Variants in IGSF21 observed in about 807,000 individuals in gnomAD.
IGSF21 encodes the protein immunoglobin superfamily member 21, also known as immunoglobulin superfamily member 21.
IGSF21 carries 28 observed loss-of-function variants against 46.8 expected under a neutral mutation model. That is an observed-to-expected ratio of 0.60 (90% CI 0.44 to 0.82). The LOEUF (loss-of-function observed/expected upper bound fraction) is 0.82, where lower values mean the gene tolerates loss of function less well. IGSF21 is among the 40% of genes least tolerant of loss of function. The pLI, the probability that IGSF21 is intolerant of heterozygous loss-of-function variation, is 0.00. For synonymous variants in IGSF21, 284 were observed against 273.6 expected, an observed-to-expected ratio of 1.04 and a Z score of -0.38; for missense variants, 624 against 665.5, an observed-to-expected ratio of 0.94 and a Z score of 0.69.
rs762067932 is a variant in IGSF21, at chr1:18,365,203, C to T, written c.541-20C>T. The T allele has an allele frequency of 2.4e-5, 37 of 1,565,276 alleles. No individual in the cohort carries two copies. In the South Asian group the frequency reaches 3.9e-4, roughly 16 times the overall value. On this transcript the variant is annotated intron_variant, in intron 5 of 9. Transcript: ENST00000251296. The surrounding 1 kb of genome is among the most constrained non-coding windows in gnomAD (Gnocchi z 4.8). ...TTAGTAGCACAAAATCATTTTCCCA[C>T]ACCCTCCTTACAATGGCAGGTTTAT...
intron 2 of IGSF21, among the ~76,000 whole-genome samples, chr1:18,282,641 C>CACACACACACACAA (rs2085172952): frequency 6.7e-6 from 1 of 148,962 alleles, no homozygotes; most frequent in Non-Finnish European, 1.5e-5. Flanking sequence ...TACATACACA[C>CACACACACACACAA]ACACACACAC....
intron 1 of IGSF21, among the ~76,000 whole-genome samples, chr1:18,199,454 C>T (rs1011408659): frequency 6.6e-6 from 1 of 152,184 alleles, no homozygotes; most frequent in Non-Finnish European, 1.5e-5. Flanking sequence ...GATACACGGA[C>T]ATCCAGGCGC....
intron 1 of IGSF21, among the ~76,000 whole-genome samples, chr1:18,120,151 C>A (rs533477138): frequency 6.6e-6 from 1 of 152,350 alleles, no homozygotes; most frequent in East Asian, 1.9e-4. Flanking sequence ...GGACTATTTG[C>A]ATAGGATTTC....
chr1:18,359,063 A>G (rs1477556653), intron 4 of IGSF21, among the ~76,000 whole-genome samples: 3 of 152,144 alleles, frequency 2.0e-5, no homozygotes, highest in Non-Finnish European at 4.4e-5. Context: ...CAGGAATTCA[A>G]GACCAGCTTG....
At chr1:18,374,348 C>T (rs1351254725) in intron 6 of IGSF21, among the ~76,000 whole-genome samples, 2 of 152,166 alleles carry the variant, frequency 1.3e-5, no homozygotes, top group Non-Finnish European at 2.9e-5. Context: ...TCTTAGGACT[C>T]GCTAAACAAA....
At chr1:18,321,728 CT>C in intron 3 of IGSF21, among the ~76,000 whole-genome samples, 1 of 152,172 alleles carries the variant, frequency 6.6e-6, no homozygotes, top group African/African-American at 2.4e-5. Context: ...AAAGCCCCTC[CT>C]TCTAATACAA....
chr1:18,312,362 C>T lies in IGSF21; in HGVS notation c.305+20375C>T, dbSNP rs372637247. Among the ~76,000 whole-genome samples the T allele has an allele frequency of 1.1e-3, 164 of 152,338 alleles. 3 individuals are homozygous for T. The South Asian group carries it at 0.025, about 24-fold the overall frequency. On this transcript the variant is annotated intron_variant, in intron 3 of 9. Transcript: ENST00000251296. ...TTTAGCCCAGTAGGAACTCAGTCAA[C>T]GTTAACTGTTGTGTTAGCTTTTTAT...
intron 3 of IGSF21, among the ~76,000 whole-genome samples, chr1:18,312,793 C>T (rs2124586137): frequency 6.6e-6 from 1 of 152,318 alleles, no homozygotes; most frequent in Middle Eastern, 3.4e-3. Context: ...GAAACATTGA[C>T]AGGTTCCAGG....
At chr1:18,265,531 A>G (rs2084981886) in intron 2 of IGSF21, among the ~76,000 whole-genome samples, 1 of 152,168 alleles carries the variant, frequency 6.6e-6, no homozygotes, top group Non-Finnish European at 1.5e-5. Context: ...AAACCCACCC[A>G]CTTGGGTACA....
rs1032428674 is a variant in IGSF21, at chr1:18,272,449, C to T, written c.184-19417C>T. 1.2e-4 allele frequency among the ~76,000 whole-genome samples: 18 copies of T among 152,208 alleles called. No individual in the cohort carries two copies. The East Asian group carries it at 3.5e-3, about 29-fold the overall frequency. ...TCTGCGTGGAATAAGAGCCCTGCTT[C>T]CTAAGGTAGTTGGGAGGATCCAGTG... On this transcript the variant is annotated intron_variant, in intron 2 of 9. Transcript: ENST00000251296.
intron 2 of IGSF21, among the ~76,000 whole-genome samples, chr1:18,263,126 G>GA (rs1401640965): frequency 1.3e-5 from 2 of 152,000 alleles, no homozygotes; most frequent in African/African-American, 2.4e-5. Context: ...GTCAATGGTG[G>GA]AAAATACGGA....
intron 1 of IGSF21, among the ~76,000 whole-genome samples, chr1:18,198,649 G>A (rs905629728): frequency 3.3e-5 from 5 of 152,090 alleles, no homozygotes; most frequent in African/African-American, 9.7e-5. Flanking sequence ...CTAAAATTAC[G>A]GAGGAGGCCG....
At chr1:18,113,478 T>C (rs1419914083) in intron 1 of IGSF21, 3 of 152,148 alleles carry the variant, frequency 2.0e-5, no homozygotes, top group African/African-American at 7.2e-5. Context: ...GGTGGGGTTT[T>C]TCTGAGACCC....
Position 18,337,133 on chromosome 1 carries a change from C to T in IGSF21, c.424+2123C>T, listed in dbSNP as rs376575411. ...AGGGTTGACCAGACCATCCTACACT[C>T]CCTCCCAGCTCTGACACTTCTGAGT... On this transcript the variant is annotated intron_variant, in intron 4 of 9. Coordinates refer to ENST00000251296, the MANE Select transcript of IGSF21 (RefSeq NM_032880.5). The surrounding 1 kb of genome is among the most constrained non-coding windows in gnomAD (Gnocchi z 5.7). Among the ~76,000 whole-genome samples the T allele has an allele frequency of 6.6e-6, 1 of 152,152 alleles. No homozygotes were observed. The highest frequency in any genetic ancestry group is 1.5e-5 in the Non-Finnish European group (1 of 68,036).
chr1:18,224,781 C>T (rs986855951), intron 1 of IGSF21, among the ~76,000 whole-genome samples: 1 of 152,066 alleles, frequency 6.6e-6, no homozygotes, highest in Non-Finnish European at 1.5e-5. Context: ...ATCATGTTTT[C>T]CTGCCAGACA....
At chr1:18,218,286 C>T (rs114603510) in intron 1 of IGSF21, among the ~76,000 whole-genome samples, 1,668 of 152,270 alleles carry the variant, frequency 0.011, 21 homozygotes, top group African/African-American at 0.037. Flanking sequence ...AAAACTCACT[C>T]ATTATCAAGA....
At chr1:18,228,195 T>C (rs1044961039) in intron 2 of IGSF21, among the ~76,000 whole-genome samples, 185 bp downstream of exon 2, 1 of 152,140 alleles carries the variant, frequency 6.6e-6, no homozygotes, top group African/African-American at 2.4e-5. Flanking sequence ...CCATCCCTTC[T>C]ACCCTCAGGA....
At chr1:18,249,017 TGAGA>T (rs1241787562) in intron 2 of IGSF21, among the ~76,000 whole-genome samples, 1 of 151,982 alleles carries the variant, frequency 6.6e-6, no homozygotes, top group African/African-American at 2.4e-5. Context: ...CCTCCTAAAA[TGAGA>T]GAAAGTGTGG....
intron 2 of IGSF21, among the ~76,000 whole-genome samples, chr1:18,229,434 C>T (rs925986276): frequency 6.6e-6 from 1 of 152,202 alleles, no homozygotes; most frequent in African/African-American, 2.4e-5. Context: ...AGCTTTGAAC[C>T]AGCCTGTCTT....
Sources: allele counts gnomAD v4.1 joint callset (sites outside exome capture counted in the v4.1 genomes callset), GRCh38; gene constraint gnomAD v4.1.1; non-coding constraint Gnocchi (gnomAD v3.1); transcripts MANE v1.5; gene names NCBI Gene and HGNC (gene_info 2026-07-23, HGNC 2026-07-21).